Variants in KLK13 observed in about 807,000 individuals in gnomAD.
The protein encoded by KLK13 is kallikrein-13.
KLK13 carries 19 observed loss-of-function variants against 22.4 expected under a neutral mutation model. That is an observed-to-expected ratio of 0.85 (90% CI 0.59 to 1.24). The LOEUF (loss-of-function observed/expected upper bound fraction) is 1.24. Among genes scored for constraint, KLK13 ranks in the 50% most tolerant of loss-of-function variants. The pLI is 0.00. For synonymous variants in KLK13, 156 were observed against 141.8 expected (o/e 1.10, Z -0.71); for missense variants, 311 against 347.9 (o/e 0.89, Z 0.84).
intron 1 of KLK13, chr19:51,063,850 TG>T: frequency 2.2e-6 from 1 of 463,326 alleles, no homozygotes; most frequent in Non-Finnish European, 4.3e-6. Flanking sequence ...CTTGGCTCCT[TG>T]AAGTCTTCAC....
intron 1 of KLK13, chr19:51,063,928 C>T (rs141447115): frequency 1.1e-5 from 5 of 436,448 alleles, no homozygotes; most frequent in Admixed American, 2.5e-5. Context: ...CGTCTGTCCC[C>T]GCTAGACTCC....
At position 51,059,439 on chromosome 19, in the gene KLK13, A is replaced by G. The variant is rs1470137496; in HGVS notation, c.508+386T>C. Among the ~76,000 whole-genome samples, 5 of 146,020 alleles carry G rather than the reference A, an allele frequency of 3.4e-5. No homozygotes were observed. The East Asian group carries it at 9.8e-4, about 28-fold the overall frequency. ...ATAATATATAATTTAAATATAGATT[A>G]TATATAATATATACATTATGCAGAA... On this transcript the variant is annotated intron_variant, in intron 3 of 4. Transcript: ENST00000595793.
intron 1 of KLK13, among the ~76,000 whole-genome samples, chr19:51,061,055 G>A (rs2691261): frequency 0.78 from 119,157 of 152,062 alleles, 46,976 homozygotes; most frequent in East Asian, 0.98. Context: ...TTGTCCATCC[G>A]TCTACTCATC....
intron 1 of KLK13, chr19:51,063,724 T>A (rs560128724): frequency 7.0e-5 from 32 of 456,776 alleles, no homozygotes; most frequent in South Asian, 4.8e-4. Context: ...AGGCCAAGGA[T>A]GGTGCCAGGT....
chr19:51,062,405 C>T (rs987548323), intron 1 of KLK13, among the ~76,000 whole-genome samples: 1 of 152,172 alleles, frequency 6.6e-6, no homozygotes, highest in Non-Finnish European at 1.5e-5. Context: ...ACAATGATTG[C>T]TATTCATTTC....
Position 51,060,007 on chromosome 19 carries a change from TG to T in KLK13, c.325del (p.His109ThrfsTer11). ...GGTGGGGCTTCTCCGGTATTCAGGG[TG>T]GGGGATAGAGTGGACAACTTCCCTC... ...QVREVVHSIP[H>X]PEYRRSPTHL... On this transcript the variant is annotated frameshift_variant, in exon 3 of 5. Coordinates refer to ENST00000595793, the MANE Select transcript of KLK13 (RefSeq NM_015596.3). LOFTEE classifies it high-confidence loss of function. The T allele has an allele frequency of 6.2e-7, 1 of 1,613,730 alleles. No individual in the cohort carries two copies. The highest frequency in any genetic ancestry group is 8.5e-7 in the Non-Finnish European group (1 of 1,179,798).
chr19:51,064,355 G>A (rs2091757596), intron 1 of KLK13, among the ~76,000 whole-genome samples: 1 of 151,984 alleles, frequency 6.6e-6, no homozygotes, highest in South Asian at 2.1e-4. Flanking sequence ...GGGCGTGGTG[G>A]CGGGCGCCTG....
At chr19:51,060,325 T>C in intron 2 of KLK13, 108 bp downstream of exon 2, 1 of 1,232,626 alleles carries the variant, frequency 8.1e-7, no homozygotes, top group Non-Finnish European at 1.1e-6. Flanking sequence ...CACTCCCATG[T>C]CCATCCCCAA....
At chr19:51,062,702 G>A (rs1280137727) in intron 1 of KLK13, among the ~76,000 whole-genome samples, 1 of 150,450 alleles carries the variant, frequency 6.6e-6, no homozygotes, top group African/African-American at 2.4e-5. Flanking sequence ...AGTTTCCCCA[G>A]CTGTCAAGTA....
intron 1 of KLK13, chr19:51,063,836 C>A: frequency 2.2e-6 from 1 of 464,940 alleles, no homozygotes; most frequent in East Asian, 6.5e-5. Context: ...CTCTAGGCCC[C>A]TGGCTTGGCT....
intron 1 of KLK13, among the ~76,000 whole-genome samples, chr19:51,061,088 GGTA>G: frequency 6.6e-6 from 1 of 151,632 alleles, no homozygotes; most frequent in South Asian, 2.1e-4. Context: ...CATCCATTTA[GGTA>G]GTCATCTAAC....
chr19:51,056,158 G>T lies in KLK13; in HGVS notation c.*429C>A, dbSNP rs143836686. The T allele has an allele frequency of 2.6e-4, 40 of 156,460 alleles. No homozygotes were observed. The East Asian group carries it at 7.5e-3, about 29-fold the overall frequency. The allele number at this position is 156,460 out of a possible 1,614,324, so 9.7% of individuals were successfully genotyped here. A position where few individuals can be genotyped will look rare whatever the true frequency, so the allele number is the denominator to read the frequency against. On this transcript the variant is annotated 3_prime_UTR_variant, in exon 5 of 5. Coordinates refer to ENST00000595793, the MANE Select transcript of KLK13 (RefSeq NM_015596.3). ...GCCTTCTTGAGTGCAAAAAATAGAA[G>T]GTCTAGGATACTGGCATTGAATAAA... is the stretch of plus-strand genomic sequence containing the variant.
chr19:51,060,187 C>A lies in KLK13; in HGVS notation c.240-94G>T. On this transcript the variant is annotated intron_variant, in intron 2 of 4. Coordinates refer to ENST00000595793, the MANE Select transcript of KLK13 (RefSeq NM_015596.3). ...CCTCTTCCCATCCCCAACCTAACTT[C>A]TTCTCCATCCTACCTTCCTCATCTC... 2.8e-6 allele frequency: 4 copies of A among 1,451,668 alleles called. No individual in the cohort carries two copies. In the Admixed American group the frequency reaches 7.8e-5, roughly 28 times the overall value. 89.9% of individuals were successfully genotyped at this position (1,451,668 alleles called of 1,614,324 possible).
intron 1 of KLK13, among the ~76,000 whole-genome samples, chr19:51,061,216 TCCA>T (rs1315839696): frequency 3.3e-5 from 5 of 149,936 alleles, no homozygotes; most frequent in African/African-American, 1.2e-4. Context: ...CATCCATCCA[TCCA>T]TCCATCCATC....
At chr19:51,063,816 G>A (rs1355055148) in intron 1 of KLK13, 4 of 465,830 alleles carry the variant, frequency 8.6e-6, no homozygotes, top group South Asian at 4.6e-5. Context: ...TCGGGAAGCC[G>A]CCATTACATC....
intron 4 of KLK13, 24 bp downstream of exon 4, chr19:51,058,514 C>T (rs201463081): frequency 1.2e-6 from 2 of 1,613,110 alleles, no homozygotes; most frequent in Non-Finnish European, 1.7e-6. Flanking sequence ...CTGTCCAAGG[C>T]ACCCACCAGC....
intron 1 of KLK13, among the ~76,000 whole-genome samples, chr19:51,061,669 T>C (rs1181538239): frequency 6.6e-6 from 1 of 152,244 alleles, no homozygotes. Flanking sequence ...GACTACAACA[T>C]TAACCTAAAT....
In KLK13 at chr19:51,056,646, G is replaced by A. The variant is rs757385222; in HGVS notation, c.775C>T (p.Arg259Cys). The A allele has an allele frequency of 6.2e-6, 10 of 1,614,014 alleles. No homozygotes were observed. The highest frequency in any genetic ancestry group is 2.2e-5 in the East Asian group (1 of 44,892). The change falls in exon 5 of 5, where the codon CGT becomes TGT. Residue 259 changes from arginine (R) to cysteine (C), a missense_variant. Arg to Cys is a radical substitution (Grantham distance 180, BLOSUM62 -3). Coordinates refer to ENST00000595793, the MANE Select transcript of KLK13 (RefSeq NM_015596.3). ...GTTTCATATTTTCGGATTGTTTCAC[G>A]GATCCACAGGACGTATCTTGAGACA... ...TRVSRYVLWI[R>C]ETIRKYETQQ...
rs1433147763 is a variant in KLK13, at chr19:51,057,837, C to T, written c.645+701G>A. On this transcript the variant is annotated intron_variant, in intron 4 of 4. Coordinates refer to ENST00000595793, the MANE Select transcript of KLK13 (RefSeq NM_015596.3). ...TTTTCATTTGGGGAACTGCCCTTCT[C>T]CACTTCCAATCCATGCAGTTTGTCC... Among the ~76,000 whole-genome samples, 7 of 152,146 alleles carry T rather than the reference C, an allele frequency of 4.6e-5. No homozygotes were observed. In the East Asian group the frequency reaches 1.3e-3, roughly 29 times the overall value.
Sources: allele counts gnomAD v4.1 joint callset (sites outside exome capture counted in the v4.1 genomes callset), GRCh38; gene constraint gnomAD v4.1.1; transcripts MANE v1.5; gene names NCBI Gene and HGNC (gene_info 2026-07-23, HGNC 2026-07-21).